Variants in FAM186B observed in about 807,000 individuals in gnomAD.
The protein encoded by FAM186B is protein FAM186B.
FAM186B carries 68 observed loss-of-function variants against 83.4 expected under a neutral mutation model. The ratio of observed to expected loss-of-function variants is 0.81; its 90% confidence interval spans 0.67 to 1.00. The LOEUF (loss-of-function observed/expected upper bound fraction) is 1.00. Ranked by LOEUF, FAM186B falls within the 50% of genes least tolerant of loss-of-function variation. FAM186B has a pLI of 0.00. For missense variants in FAM186B, 983 were observed against 1,099.2 expected, an observed-to-expected ratio of 0.89 and a Z score of 1.49; for synonymous variants, 389 against 422.0, an observed-to-expected ratio of 0.92 and a Z score of 0.96.
rs1176254325 is a variant in FAM186B, at chr12:49,600,970, TGGTAGAGTCCAGGA to T, written c.656_669del (p.Leu219HisfsTer64). On this transcript the variant is annotated frameshift_variant, in exon 4 of 7. Transcript: ENST00000257894. LOFTEE classifies it high-confidence loss of function. This position sits in a 1 kb window ranked among gnomAD's most constrained non-coding sequence, Gnocchi z 4.3. ...GCCCTGACCTCCCCCTTGCTGAACA[TGGTAGAGTCCAGGA>T]GCTCCTGCAGCATGGACGTCACCTC... is the stretch of plus-strand genomic sequence containing the variant. 1 of 1,614,134 alleles carries T rather than the reference TGGTAGAGTCCAGGA, an allele frequency of 6.2e-7. No individual in the cohort carries two copies. Among genetic ancestry groups the T allele is most frequent in the South Asian group, 1.1e-5 (1 of 91,074 alleles).
downstream of FAM186B, chr12:49,587,472 C>G (rs1681462494): frequency 7.8e-7 from 1 of 1,285,972 alleles, no homozygotes; most frequent in Non-Finnish European, 1.1e-6. Context: ...TAGCCTCTCT[C>G]TATCTGGTGT....
chr12:49,603,264 G>A lies in FAM186B; in HGVS notation c.426C>T (p.Leu142=). 2 of 1,614,190 alleles carry A rather than the reference G, an allele frequency of 1.2e-6. No individual in the cohort carries two copies. The highest frequency in any genetic ancestry group is 2.2e-5 in the South Asian group (2 of 91,082). ...ACTCGATGCCTCTTTTGGTGGCAAT[G>A]AGGGACAGCGGTAACACTTTCTCCG... is the stretch of plus-strand genomic sequence containing the variant. ...EVTEKVLPLS[L]IATKRGIESL... is the part of the protein sequence containing the mutation. The change falls in exon 3 of 7, where the codon CTC becomes CTT. Residue 142 remains leucine, a synonymous_variant. Coordinates refer to ENST00000257894, the MANE Select transcript of FAM186B (RefSeq NM_032130.3).
At chr12:49,620,716 C>G in the FAM186B span, among the ~76,000 whole-genome samples, 1 of 152,102 alleles carries the variant, frequency 6.6e-6, no homozygotes, top group Non-Finnish European at 1.5e-5. Flanking sequence ...TCTGTATTTG[C>G]TGCTGTAATA....
Position 49,601,139 on chromosome 12 carries a change from G to A in FAM186B, c.506-5C>T. ...GCCAGAAGGTGCGTTTGGACACTGG[G>A]ACAGGTAGAGAGAAAAAAGTCAACG... On this transcript the variant is annotated splice_polypyrimidine_tract_variant and splice_region_variant and intron_variant, in intron 3 of 6. Transcript: ENST00000257894. 4 of 1,535,800 alleles carry A rather than the reference G, an allele frequency of 2.6e-6. No individual in the cohort carries two copies. Among genetic ancestry groups the A allele is most frequent in the Non-Finnish European group, 3.5e-6 (4 of 1,141,608 alleles).
At chr12:49,596,668 T>C (rs1939734488) in intron 5 of FAM186B, among the ~76,000 whole-genome samples, 1 of 152,176 alleles carries the variant, frequency 6.6e-6, no homozygotes, top group South Asian at 2.1e-4. Context: ...GGGAACCCTG[T>C]GCACTATTCA....
intron 5 of FAM186B, chr12:49,594,236 G>T: frequency 3.9e-6 from 1 of 254,076 alleles, no homozygotes; most frequent in South Asian, 6.2e-5. Flanking sequence ...AGGACTGAAA[G>T]ATTGGTGGGT....
chr12:49,583,213 T>C, downstream of FAM186B: 1 of 375,640 alleles, frequency 2.7e-6, no homozygotes. Flanking sequence ...GTCAGTTTCA[T>C]TCACTGTCAA....
Position 49,605,538 on chromosome 12 carries a change from C to T in FAM186B, c.-61G>A, listed in dbSNP as rs1939999718. The T allele has an allele frequency of 6.4e-7, 1 of 1,553,982 alleles. No homozygotes were observed. The highest frequency in any genetic ancestry group is 1.3e-5 in the African/African-American group (1 of 74,168). On this transcript the variant is annotated 5_prime_UTR_variant, in exon 1 of 7. It adds an upstream start codon to the 5' untranslated region. Coordinates refer to ENST00000257894, the MANE Select transcript of FAM186B (RefSeq NM_032130.3). ...TTTCTGGTCCACAGGCCTGGACACA[C>T]AATGTTGCCTGCTTTGGAGGTTAAG... is the stretch of plus-strand genomic sequence containing the variant.
chr12:49,598,744 G>A lies in FAM186B; in HGVS notation c.2364+11C>T, dbSNP rs745700177. 8.9e-6 allele frequency: 14 copies of A among 1,581,416 alleles called. No homozygotes were observed. Among genetic ancestry groups the A allele is most frequent in the South Asian group, 6.9e-5 (6 of 86,672 alleles). ...GGCGGAGTGGCGGGGGGGTCAGGGC[G>A]GGAGGCCCACCTTGGGGAACATGGT... is the stretch of plus-strand genomic sequence containing the variant. On this transcript the variant is annotated intron_variant, in intron 5 of 6. Coordinates refer to ENST00000257894, the MANE Select transcript of FAM186B (RefSeq NM_032130.3).
At chr12:49,619,972 G>A in the FAM186B span, among the ~76,000 whole-genome samples, 2 of 151,898 alleles carry the variant, frequency 1.3e-5, no homozygotes, top group East Asian at 3.9e-4. Context: ...GAGCCACCGC[G>A]TCCACATCTC....
chr12:49,584,752 T>C, downstream of FAM186B: 2 of 626,342 alleles, frequency 3.2e-6, no homozygotes, highest in Non-Finnish European at 5.7e-6. Flanking sequence ...ACAGAACTGC[T>C]CAACACAACG....
At chr12:49,595,985 A>T (rs1372240607) in intron 5 of FAM186B, among the ~76,000 whole-genome samples, 1 of 152,116 alleles carries the variant, frequency 6.6e-6, no homozygotes, top group Non-Finnish European at 1.5e-5. Context: ...CTCCGTCTCA[A>T]AAAAATAAAT....
At position 49,605,447 on chromosome 12, in the gene FAM186B, T is replaced by C. The variant is rs2138315157; in HGVS notation, c.31A>G (p.Thr11Ala). Reference sequence around the variant, plus strand: ...ATGATGGCTTTCACTGATGTGGGAGTCACCAACTGTGGGGGGTCATCCTTC... The same window carrying C: ...ATGATGGCTTTCACTGATGTGGGAGCCACCAACTGTGGGGGGTCATCCTTC... MEKDDPPQLV[T>A]PTSVKAIILR... Residue 11 changes from threonine to alanine, a missense_variant, in exon 1 of 7, where the codon ACT becomes GCT. By Grantham distance (58) the Thr-to-Ala change is moderately conservative (BLOSUM62 0). Coordinates refer to ENST00000257894, the MANE Select transcript of FAM186B (RefSeq NM_032130.3). 1 of 1,613,752 alleles carries C rather than the reference T, an allele frequency of 6.2e-7. No homozygotes were observed. The highest frequency in any genetic ancestry group is 1.3e-5 in the African/African-American group (1 of 74,992).
At chr12:49,587,862 A>C in intron 6 of FAM186B, 110 bp from the exon 7 acceptor site, 1 of 1,226,174 alleles carries the variant, frequency 8.2e-7, no homozygotes, top group Non-Finnish European at 1.1e-6. Context: ...TCCCTTCTCA[A>C]ATCGAGTGTG....
At chr12:49,591,740 AC>A (rs1939585470) in intron 5 of FAM186B, among the ~76,000 whole-genome samples, 1 of 152,186 alleles carries the variant, frequency 6.6e-6, no homozygotes. Context: ...AGGACTCCTC[AC>A]AGGCACCAAA....
At chr12:49,594,738 G>C (rs553285832) in intron 5 of FAM186B, among the ~76,000 whole-genome samples, 1 of 152,284 alleles carries the variant, frequency 6.6e-6, no homozygotes, top group African/African-American at 2.4e-5. Context: ...AGCTGGGCAT[G>C]GTGGCGCATG....
At chr12:49,599,155 G>T (rs939387706) in intron 4 of FAM186B, among the ~76,000 whole-genome samples, 1 of 152,108 alleles carries the variant, frequency 6.6e-6, no homozygotes. Flanking sequence ...GAAAGAGAAA[G>T]GAAAGACAGG....
the FAM186B span, among the ~76,000 whole-genome samples, chr12:49,610,789 CAAAAA>C: frequency 1.6e-5 from 1 of 63,612 alleles, no homozygotes. Flanking sequence ...GACTCCATCT[CAAAAA>C]AAAAAAAAAA....
intron 5 of FAM186B, among the ~76,000 whole-genome samples, chr12:49,596,857 C>T (rs1431698699): frequency 1.3e-5 from 2 of 152,234 alleles, no homozygotes; most frequent in East Asian, 3.9e-4. Context: ...TCACAGTAGC[C>T]AAGATATGGA....
Sources: gnomAD v4.1 joint callset for allele counts (sites outside exome capture counted in the v4.1 genomes callset) on GRCh38, gnomAD v4.1.1 for gene constraint, Gnocchi (gnomAD v3.1) non-coding constraint, MANE v1.5 for transcripts, NCBI Gene and HGNC (gene_info 2026-07-23, HGNC 2026-07-21) for gene names.